EML5: variants seen among roughly 807,000 people sequenced by gnomAD.
EML5 encodes EMAP like 5.
In EML5, 120 loss-of-function variants were observed where a neutral mutation model predicts 250.0. The observed-to-expected ratio is 0.48, with a 90% CI of 0.41 to 0.56. The LOEUF (loss-of-function observed/expected upper bound fraction) is 0.56, where lower values mean the gene tolerates loss of function less well. Among genes scored for constraint, EML5 ranks in the 20% least tolerant of loss-of-function variants. EML5 has a pLI of 0.00. For synonymous variants in EML5, 771 were observed against 806.5 expected, an observed-to-expected ratio of 0.96 and a Z score of 0.75; for missense variants, 2,006 against 2,437.6, an observed-to-expected ratio of 0.82 and a Z score of 3.73.
intron 29 of EML5, 119 bp from the exon 30 acceptor site, chr14:88,644,630 T>C (rs1279257208): frequency 1.2e-6 from 1 of 801,436 alleles, no homozygotes; most frequent in Non-Finnish European, 2.1e-6. Flanking sequence ...TGACCCATTC[T>C]GTGGTCCACT....
At chr14:88,687,166 G>T in intron 19 of EML5, 50 bp downstream of exon 19, 2 of 1,340,926 alleles carry the variant, frequency 1.5e-6, no homozygotes, top group Non-Finnish European at 2.1e-6. Context: ...ACATTAATGA[G>T]CAATTAATCT....
chr14:88,637,977 A>C (rs2090835764), intron 32 of EML5, among the ~76,000 whole-genome samples: 2 of 152,250 alleles, frequency 1.3e-5, no homozygotes. Flanking sequence ...CCCAGACAAC[A>C]AATTCCTGAC....
chr14:88,698,992 C>T (rs988175795), intron 14 of EML5, among the ~76,000 whole-genome samples: 7 of 151,932 alleles, frequency 4.6e-5, no homozygotes, highest in Non-Finnish European at 8.8e-5. Context: ...TTGCCAGTAG[C>T]GAATAAGTGG....
In EML5 at chr14:88,683,546, C is replaced by A. The variant is rs1048609362; in HGVS notation, c.2982+1469G>T. ...AAAGATATCACAAGAAAACTAAATA[C>A]CAATATCTCTTATAAATACTGATGC... On this transcript the variant is annotated intron_variant, in intron 20 of 43. Transcript: ENST00000554922. Among the ~76,000 whole-genome samples the A allele has an allele frequency of 2.6e-5, 4 of 152,080 alleles. No individual in the cohort carries two copies. In the East Asian group the frequency reaches 7.7e-4, roughly 29 times the overall value.
Position 88,745,875 on chromosome 14 carries a change from C to CGT in EML5, c.456+308_456+309dup, listed in dbSNP as rs2093997628. Among the ~76,000 whole-genome samples, 4 of 152,154 alleles carry CGT rather than the reference C, an allele frequency of 2.6e-5. No individual in the cohort carries two copies. In the South Asian group the frequency reaches 8.3e-4, roughly 32 times the overall value. ...ATGGGTGCAGCAAACCTCCATGGCA[C>CGT]GTGTATACCTATGTAACAAACCTGC... On this transcript the variant is annotated intron_variant, in intron 3 of 43. Transcript: ENST00000554922.
rs1595722157 is a variant in EML5, at chr14:88,736,429, A to G, written c.984T>C (p.Leu328=). Residue 328 remains leucine, a synonymous_variant, in exon 7 of 44, where the codon CTT becomes CTC. Transcript: ENST00000554922. ...TAGTAGGATGGACAGCAAGTGCCCAAAGTTCACCTTCACAATGCCCTTGCA... is the reference window on the plus strand; with the variant it reads ...TAGTAGGATGGACAGCAAGTGCCCAGAGTTCACCTTCACAATGCCCTTGCA... The part of the protein sequence containing the change: ...LIMQGHCEGE[L]WALAVHPTKP... 1.9e-6 allele frequency: 3 copies of G among 1,614,028 alleles called. No individual in the cohort carries two copies. Among genetic ancestry groups the G allele is most frequent in the East Asian group, 2.2e-5 (1 of 44,876 alleles).
intron 2 of EML5, among the ~76,000 whole-genome samples, chr14:88,751,584 A>G (rs746982423): frequency 4.9e-4 from 74 of 151,184 alleles, no homozygotes; most frequent in Non-Finnish European, 8.7e-4. Flanking sequence ...AGAAAATGGA[A>G]TATCTACAGA....
intron 21 of EML5, among the ~76,000 whole-genome samples, chr14:88,678,699 G>C (rs1260053414): frequency 6.6e-6 from 1 of 151,982 alleles, no homozygotes; most frequent in Admixed American, 6.6e-5. Flanking sequence ...GGGTTATATT[G>C]TTTTGAAAAA....
chr14:88,618,381 A>G, intron 40 of EML5, 50 bp from the exon 41 acceptor site: 1 of 1,507,344 alleles, frequency 6.6e-7, no homozygotes, highest in Non-Finnish European at 9.2e-7. Context: ...GTGAGAGACA[A>G]AATCCACAGG....
At chr14:88,650,462 A>G (rs1445331858) in intron 27 of EML5, among the ~76,000 whole-genome samples, 1 of 152,220 alleles carries the variant, frequency 6.6e-6, no homozygotes, top group Non-Finnish European at 1.5e-5. Context: ...TCAAAAGAAC[A>G]AAACAAAACA....
At chr14:88,790,681 T>C (rs1218631925) in intron 1 of EML5, among the ~76,000 whole-genome samples, 1 of 152,182 alleles carries the variant, frequency 6.6e-6, no homozygotes, top group Non-Finnish European at 1.5e-5. Context: ...GAGCAGGGCT[T>C]CAGTTAAGGC....
intron 21 of EML5, among the ~76,000 whole-genome samples, chr14:88,675,443 G>A (rs1473494954): frequency 6.6e-6 from 1 of 152,208 alleles, no homozygotes; most frequent in Non-Finnish European, 1.5e-5. Flanking sequence ...CTGTACTTTG[G>A]CCCCTTTTAG....
In EML5 at chr14:88,792,387, G is replaced by A. The variant is rs753433236; in HGVS notation, c.117C>T (p.Phe39=). ...YYTAAKEIVY[F]VAGVGVVYSP... is the part of the protein sequence containing the mutation. ...TGTACACCACGCCGACCCCCGCCACGAAGTATACGATCTCCTTGGCCGCAG... is the reference window on the plus strand; with the variant it reads ...TGTACACCACGCCGACCCCCGCCACAAAGTATACGATCTCCTTGGCCGCAG... The change falls in exon 1 of 44, where the codon TTC becomes TTT. Residue 39 remains phenylalanine (F), a synonymous_variant. Coordinates refer to ENST00000554922, the MANE Select transcript of EML5 (RefSeq NM_183387.3). This position sits in a 1 kb window ranked among gnomAD's most constrained non-coding sequence, Gnocchi z 6.9. 3 of 1,572,386 alleles carry A rather than the reference G, an allele frequency of 1.9e-6. No individual in the cohort carries two copies. In the South Asian group the frequency reaches 3.5e-5, roughly 18 times the overall value.
intron 19 of EML5, 98 bp downstream of exon 19, chr14:88,687,117 GA>G: frequency 2.2e-6 from 2 of 913,778 alleles, no homozygotes; most frequent in Admixed American, 2.9e-5. Context: ...CAACAAGACG[GA>G]AAAATACATG....
At chr14:88,653,910 A>C (rs1430017410) in intron 27 of EML5, among the ~76,000 whole-genome samples, 1 of 152,010 alleles carries the variant, frequency 6.6e-6, no homozygotes, top group Admixed American at 6.6e-5. Context: ...TCGGATGCGA[A>C]TCCATCTGGG....
At chr14:88,656,789 T>C (rs2091889521) in intron 27 of EML5, among the ~76,000 whole-genome samples, 1 of 152,154 alleles carries the variant, frequency 6.6e-6, no homozygotes, top group African/African-American at 2.4e-5. Context: ...AGGCAGGCCT[T>C]TTCAAAATTG....
At chr14:88,642,838 C>G in intron 31 of EML5, 55 bp downstream of exon 31, 1 of 1,532,096 alleles carries the variant, frequency 6.5e-7, no homozygotes, top group East Asian at 2.4e-5. Context: ...GCTGCTAGAT[C>G]AAAATTTCTA....
intron 1 of EML5, among the ~76,000 whole-genome samples, chr14:88,782,404 G>A (rs1349564217): frequency 6.6e-6 from 1 of 152,198 alleles, no homozygotes; most frequent in African/African-American, 2.4e-5. Context: ...ATTTTCTGGG[G>A]AGAAATTCAA....
chr14:88,763,799 ACT>A (rs2094283517), intron 1 of EML5, among the ~76,000 whole-genome samples: 1 of 152,018 alleles, frequency 6.6e-6, no homozygotes, highest in Non-Finnish European at 1.5e-5. Flanking sequence ...AAGAATAGAC[ACT>A]CTGGTCTTTT....
Sources: allele counts gnomAD v4.1 joint callset (sites outside exome capture counted in the v4.1 genomes callset), GRCh38; gene constraint gnomAD v4.1.1; non-coding constraint Gnocchi (gnomAD v3.1); transcripts MANE v1.5; gene names NCBI Gene and HGNC (gene_info 2026-07-23, HGNC 2026-07-21).